RNF168: variants seen among roughly 807,000 people sequenced by gnomAD.
RNF168 encodes the protein ring finger protein 168, also known as E3 ubiquitin-protein ligase RNF168.
In RNF168, 34 loss-of-function variants were observed where a neutral mutation model predicts 34.9. The observed-to-expected ratio is 0.97, with a 90% CI of 0.74 to 1.30. The LOEUF is 1.30. Among genes scored for constraint, RNF168 ranks in the 50% most tolerant of loss-of-function variants. The probability of loss-of-function intolerance (pLI) is 0.00; values close to 1 mark genes in which losing one functional copy is unlikely to be tolerated. For missense variants in RNF168, 725 were observed against 682.5 expected, an observed-to-expected ratio of 1.06 and a Z score of -0.69; for synonymous variants, 264 against 254.7, an observed-to-expected ratio of 1.04 and a Z score of -0.35.
chr3:196,475,459 TTG>T, intron 4 of RNF168, 147 bp from the exon 5 acceptor site: 1 of 671,964 alleles, frequency 1.5e-6, no homozygotes, highest in Non-Finnish European at 2.7e-6. Context: ...TTCAGATATT[TTG>T]GTCAATTCCA....
intron 5 of RNF168, 27 bp from the exon 6 acceptor site, chr3:196,472,799 G>A (rs1732044651): frequency 1.5e-6 from 2 of 1,360,192 alleles, no homozygotes; most frequent in Non-Finnish European, 1.1e-6. Flanking sequence ...AAGACTGAGT[G>A]AACCAGGGGA....
chr3:196,483,896 A>C lies in RNF168; in HGVS notation c.559-5T>G. On this transcript the variant is annotated splice_region_variant and splice_polypyrimidine_tract_variant and intron_variant, in intron 3 of 5. Transcript: ENST00000318037. The stretch of plus-strand genomic sequence containing the variant: ...ACTTCCCTCACAGAAATTGTTCTTC[A>C]ACAATAGAAAAAGCATAACAGACAT... 2 of 1,602,834 alleles carry C rather than the reference A, an allele frequency of 1.2e-6. No individual in the cohort carries two copies. Among genetic ancestry groups the C allele is most frequent in the East Asian group, 4.5e-5 (2 of 44,776 alleles).
intron 4 of RNF168, among the ~76,000 whole-genome samples, chr3:196,478,675 T>C (rs1017203576): frequency 1.3e-5 from 2 of 151,152 alleles, no homozygotes; most frequent in African/African-American, 2.5e-5. Flanking sequence ...TTAGTTATTT[T>C]ATTTTTTGGG....
intron 3 of RNF168, among the ~76,000 whole-genome samples, chr3:196,485,143 T>C (rs1732392083): frequency 6.6e-6 from 1 of 152,208 alleles, no homozygotes; most frequent in Non-Finnish European, 1.5e-5. Flanking sequence ...CTTACTACCC[T>C]AATGGAAAAG....
chr3:196,490,224 C>T (rs544578002), intron 1 of RNF168, among the ~76,000 whole-genome samples: 1 of 152,282 alleles, frequency 6.6e-6, no homozygotes, highest in Admixed American at 6.5e-5. Flanking sequence ...AAAGATAATT[C>T]TGGGTCAGAA....
chr3:196,480,256 G>C (rs1434023408), intron 4 of RNF168, among the ~76,000 whole-genome samples: 1 of 152,124 alleles, frequency 6.6e-6, no homozygotes, highest in Admixed American at 6.6e-5. Context: ...AAAAAAATGT[G>C]TTATTCTTCT....
intron 1 of RNF168, among the ~76,000 whole-genome samples, chr3:196,493,749 A>G (rs1463358999): frequency 6.6e-6 from 1 of 150,588 alleles, no homozygotes; most frequent in African/African-American, 2.4e-5. Flanking sequence ...GCTGGTCTTG[A>G]ACTCCTGACC....
rs780872773 is a variant in RNF168, at chr3:196,503,084, C to G, written c.90G>C (p.Pro30=). ...MEILVEPVTL[P]CNHTLCKPCF... ...ACGGTTTACACAGCGTGTGGTTACA[C>G]GGGAGGGTGACGGGCTCCACGAGGA... Residue 30 remains proline, a synonymous_variant, in exon 1 of 6, where the codon CCG becomes CCC. Coordinates refer to ENST00000318037, the MANE Select transcript of RNF168 (RefSeq NM_152617.4). 9.3e-6 allele frequency: 15 copies of G among 1,614,122 alleles called. No individual in the cohort carries two copies. The South Asian group carries it at 1.6e-4, about 18-fold the overall frequency.
intron 4 of RNF168, among the ~76,000 whole-genome samples, chr3:196,483,235 T>A (rs1732339512): frequency 6.6e-6 from 1 of 152,022 alleles, no homozygotes; most frequent in African/African-American, 2.4e-5. Context: ...GAACCAGAAG[T>A]CCTTATGTAT....
At chr3:196,475,581 C>T (rs1405620060) in intron 4 of RNF168, among the ~76,000 whole-genome samples, 3 of 142,620 alleles carry the variant, frequency 2.1e-5, no homozygotes, top group African/African-American at 5.4e-5. Flanking sequence ...GATAGAGTCT[C>T]GCTCTGTCAC....
At chr3:196,482,982 A>G (rs565382517) in intron 4 of RNF168, among the ~76,000 whole-genome samples, 1 of 152,116 alleles carries the variant, frequency 6.6e-6, no homozygotes, top group Non-Finnish European at 1.5e-5. Flanking sequence ...ATAAAGATTC[A>G]TGAGTTATAG....
chr3:196,498,889 G>C (rs1055766594), intron 1 of RNF168, among the ~76,000 whole-genome samples: 1 of 151,988 alleles, frequency 6.6e-6, no homozygotes, highest in Non-Finnish European at 1.5e-5. Flanking sequence ...CAGCTACTTA[G>C]GAGGCTGAGG....
chr3:196,477,567 GTTTC>G (rs1328329196), intron 4 of RNF168, among the ~76,000 whole-genome samples: 2 of 152,172 alleles, frequency 1.3e-5, no homozygotes. Flanking sequence ...GTCTCATTTA[GTTTC>G]TTTAGGCTGA....
rs906271207 is a variant in RNF168, at chr3:196,469,778, T to C, written c.*2041A>G. The C allele has an allele frequency of 2.6e-5, 4 of 152,174 alleles. No homozygotes were observed. The highest frequency in any genetic ancestry group is 4.4e-5 in the Non-Finnish European group (3 of 68,024). 9.4% of individuals were successfully genotyped at this position (152,174 alleles called of 1,614,324 possible). On this transcript the variant is annotated 3_prime_UTR_variant, in exon 6 of 6. Transcript: ENST00000318037. Reference sequence around the variant, plus strand: ...AGCAGTATCAACACAAATGATCATATAAGAAAACACGTGGTTATGTTTCAG... The same window carrying C: ...AGCAGTATCAACACAAATGATCATACAAGAAAACACGTGGTTATGTTTCAG...
intron 1 of RNF168, among the ~76,000 whole-genome samples, chr3:196,500,735 G>A (rs947612109): frequency 2.6e-5 from 4 of 150,946 alleles, no homozygotes; most frequent in South Asian, 2.1e-4. Context: ...TTTTTGAAAC[G>A]GAGTCTCGCT....
chr3:196,473,029 A>G (rs1440938428), intron 5 of RNF168, among the ~76,000 whole-genome samples: 1 of 152,000 alleles, frequency 6.6e-6, no homozygotes, highest in Non-Finnish European at 1.5e-5. Context: ...AGCCTCCCAA[A>G]TAGGTGTATA....
chr3:196,500,849 C>T (rs953095916), intron 1 of RNF168, among the ~76,000 whole-genome samples: 2 of 151,598 alleles, frequency 1.3e-5, no homozygotes, highest in African/African-American at 2.4e-5. Context: ...GTAGCTGGGA[C>T]TACAGGCGCG....
chr3:196,488,486 A>C, intron 2 of RNF168, 121 bp downstream of exon 2: 1 of 642,178 alleles, frequency 1.6e-6, no homozygotes, highest in South Asian at 1.7e-5. Context: ...CATCTCAAAA[A>C]AAAAAAATTA....
At chr3:196,479,291 G>A (rs974545338) in intron 4 of RNF168, among the ~76,000 whole-genome samples, 3 of 151,828 alleles carry the variant, frequency 2.0e-5, no homozygotes, top group African/African-American at 7.3e-5. Context: ...GGGATTACAG[G>A]TGTGAGCCAC....
Sources: gnomAD v4.1 joint callset for allele counts (sites outside exome capture counted in the v4.1 genomes callset) on GRCh38, gnomAD v4.1.1 for gene constraint, MANE v1.5 for transcripts, NCBI Gene and HGNC (gene_info 2026-07-23, HGNC 2026-07-21) for gene names.